CTNNA2: variants seen among roughly 807,000 people sequenced by gnomAD.
The protein encoded by CTNNA2 is catenin alpha-2.
CTNNA2 carries 42 observed loss-of-function variants against 101.0 expected under a neutral mutation model. The observed-to-expected ratio is 0.42, with a 90% CI of 0.32 to 0.54. The LOEUF (loss-of-function observed/expected upper bound fraction) is 0.54. CTNNA2 is among the 20% of genes least tolerant of loss of function. The probability of loss-of-function intolerance (pLI) is 0.14; values close to 1 mark genes in which losing one functional copy is unlikely to be tolerated. For synonymous variants in CTNNA2, 450 were observed against 456.4 expected, an observed-to-expected ratio of 0.99 and a Z score of 0.18; for missense variants, 871 against 1,223.1, an observed-to-expected ratio of 0.71 and a Z score of 4.29.
intron 3 of CTNNA2, among the ~76,000 whole-genome samples, chr2:79,329,864 C>T (rs1676831327): frequency 6.6e-6 from 1 of 152,152 alleles, no homozygotes; most frequent in Non-Finnish European, 1.5e-5. Flanking sequence ...ACAAGAATGG[C>T]TTTGACGTAG....
chr2:80,386,650 A>G (rs904320900), intron 7 of CTNNA2, among the ~76,000 whole-genome samples: 1 of 152,178 alleles, frequency 6.6e-6, no homozygotes, highest in South Asian at 2.1e-4. Context: ...ATGGCATATT[A>G]TTGCTTTCTG....
intron 18 of CTNNA2, among the ~76,000 whole-genome samples, chr2:80,637,866 T>C (rs1315656678): frequency 6.6e-6 from 1 of 152,166 alleles, no homozygotes; most frequent in East Asian, 1.9e-4. Flanking sequence ...AGTCTACTTT[T>C]CTCTCAGTGA....
chr2:79,763,001 A>C (rs1189353340), intron 3 of CTNNA2, among the ~76,000 whole-genome samples: 1 of 152,184 alleles, frequency 6.6e-6, no homozygotes, highest in Non-Finnish European at 1.5e-5. Flanking sequence ...CTAGAACTTT[A>C]ACCCAAGTGC....
chr2:80,273,659 G>T (rs1364034532), intron 7 of CTNNA2, among the ~76,000 whole-genome samples: 1 of 151,924 alleles, frequency 6.6e-6, no homozygotes, highest in African/African-American at 2.4e-5. Flanking sequence ...TGGCCCCCTT[G>T]CAAATCTCTC....
At chr2:80,554,755 T>C (rs536172535) in intron 11 of CTNNA2, among the ~76,000 whole-genome samples, 1 of 152,298 alleles carries the variant, frequency 6.6e-6, no homozygotes, top group East Asian at 1.9e-4. Flanking sequence ...GTTTATTAGT[T>C]GGTGTGTGTG....
At chr2:79,965,506 G>C (rs920587578) in intron 7 of CTNNA2, among the ~76,000 whole-genome samples, 2 of 151,972 alleles carry the variant, frequency 1.3e-5, no homozygotes, top group Non-Finnish European at 2.9e-5. Context: ...AATCAATTAT[G>C]GTGGATCTTT....
At chr2:79,458,004 A>G (rs1670843617) in intron 4 of CTNNA2, among the ~76,000 whole-genome samples, 1 of 152,186 alleles carries the variant, frequency 6.6e-6, no homozygotes, top group Non-Finnish European at 1.5e-5. Flanking sequence ...AATAAGATGC[A>G]GCTGCAGGAT....
intron 9 of CTNNA2, among the ~76,000 whole-genome samples, chr2:80,493,574 G>A (rs1031852466): frequency 1.3e-5 from 2 of 152,160 alleles, no homozygotes; most frequent in Non-Finnish European, 2.9e-5. Context: ...GGACTTTTTT[G>A]AGTCCTTAGT....
chr2:79,213,641 G>C (rs774973741), intron 2 of CTNNA2, among the ~76,000 whole-genome samples: 4 of 152,136 alleles, frequency 2.6e-5, no homozygotes, highest in Non-Finnish European at 5.9e-5. Context: ...AGGAAACATG[G>C]GGAAATTGGG....
At chr2:80,524,042 G>GTAGT (rs1689812848) in intron 9 of CTNNA2, among the ~76,000 whole-genome samples, 1 of 152,162 alleles carries the variant, frequency 6.6e-6, no homozygotes, top group Non-Finnish European at 1.5e-5. Context: ...ACCTGCCTGT[G>GTAGT]TAGTCCTGAC....
chr2:79,263,955 T>A (rs562122038), intron 2 of CTNNA2, among the ~76,000 whole-genome samples: 1 of 152,118 alleles, frequency 6.6e-6, no homozygotes, highest in Non-Finnish European at 1.5e-5. Context: ...AATCAGAACA[T>A]CAAAATGCTC....
At chr2:79,542,028 C>T (rs1349432406) in intron 1 of CTNNA2, among the ~76,000 whole-genome samples, 1 of 152,016 alleles carries the variant, frequency 6.6e-6, no homozygotes, top group African/African-American at 2.4e-5. Flanking sequence ...GCTTTCTGGC[C>T]TTATAATTTC....
intron 1 of CTNNA2, among the ~76,000 whole-genome samples, chr2:79,533,580 G>T (rs1672876536): frequency 6.6e-6 from 1 of 152,086 alleles, no homozygotes; most frequent in Admixed American, 6.6e-5. Flanking sequence ...TTGTAATTGT[G>T]TTATAGATGA....
At chr2:80,249,414 C>T (rs1258480257) in intron 7 of CTNNA2, among the ~76,000 whole-genome samples, 1 of 152,150 alleles carries the variant, frequency 6.6e-6, no homozygotes, top group Non-Finnish European at 1.5e-5. Context: ...GAAGGGAGCT[C>T]TTAGGGAATG....
chr2:79,189,952 T>A (rs1673831288), intron 1 of CTNNA2, among the ~76,000 whole-genome samples: 1 of 152,168 alleles, frequency 6.6e-6, no homozygotes, highest in Admixed American at 6.5e-5. Flanking sequence ...AAGAAGCCTG[T>A]GTAAAGTTGA....
intron 4 of CTNNA2, among the ~76,000 whole-genome samples, chr2:79,383,737 G>A (rs1191057803): frequency 6.6e-6 from 1 of 152,100 alleles, no homozygotes; most frequent in Non-Finnish European, 1.5e-5. Context: ...ATTTGACCTT[G>A]GGAACTATTT....
intron 7 of CTNNA2, among the ~76,000 whole-genome samples, chr2:80,237,322 A>C (rs183243077): frequency 3.1e-4 from 47 of 152,304 alleles, no homozygotes; most frequent in Non-Finnish European, 5.6e-4. Flanking sequence ...ACAGTACCCA[A>C]ATTACAATGG....
intron 2 of CTNNA2, among the ~76,000 whole-genome samples, chr2:79,691,796 G>A (rs944153966): frequency 8.5e-5 from 13 of 152,076 alleles, no homozygotes; most frequent in African/African-American, 2.9e-4. Flanking sequence ...TTAATAAATG[G>A]TGTTGGGAAA....
chr2:80,098,834 C>T (rs777642444), intron 7 of CTNNA2, among the ~76,000 whole-genome samples: 5 of 152,114 alleles, frequency 3.3e-5, no homozygotes, highest in Admixed American at 6.5e-5. Context: ...CCTGGTGTGC[C>T]GTTTGTTAAG....
Sources: gnomAD v4.1 joint callset for allele counts (sites outside exome capture counted in the v4.1 genomes callset) on GRCh38, gnomAD v4.1.1 for gene constraint, MANE v1.5 for transcripts, NCBI Gene and HGNC (gene_info 2026-07-23, HGNC 2026-07-21) for gene names.